The following CHCHD7 variants were observed in gnomAD, a reference collection of about 807,000 sequenced individuals.
The protein encoded by CHCHD7 is coiled-coil-helix-coiled-coil-helix domain containing 7, also known as coiled-coil-helix-coiled-coil-helix domain-containing protein 7.
A neutral mutation model predicts 10.5 loss-of-function variants in CHCHD7; 7 were observed. The ratio of observed to expected loss-of-function variants is 0.67; its 90% CI spans 0.38 to 1.25. The LOEUF (loss-of-function observed/expected upper bound fraction) is 1.25. Among genes scored for constraint, CHCHD7 ranks in the 50% most tolerant of loss-of-function variants. CHCHD7 has a pLI of 0.02. For missense variants in CHCHD7, 100 were observed against 104.5 expected, an observed-to-expected ratio of 0.96 and a Z score of 0.19; for synonymous variants, 40 against 36.0, an observed-to-expected ratio of 1.11 and a Z score of -0.40.
chr8:56,217,653 T>A lies in CHCHD7; in HGVS notation c.*218T>A. On this transcript the variant is annotated 3_prime_UTR_variant, in exon 4 of 4. Coordinates refer to ENST00000355315, the MANE Select transcript of CHCHD7 (RefSeq NM_001011671.3). ...TGTTGTGGCATGAGTTTGCATGACTTTCTGGAGGCATGGAGTTAGGTAAGG... is the reference window on the plus strand; with the variant it reads ...TGTTGTGGCATGAGTTTGCATGACTATCTGGAGGCATGGAGTTAGGTAAGG... The A allele has an allele frequency of 2.3e-6, 1 of 425,946 alleles. No homozygotes were observed. The highest frequency in any genetic ancestry group is 4.2e-6 in the Non-Finnish European group (1 of 235,532). The allele number at this position is 425,946 out of a possible 1,614,324, so 26.4% of individuals were successfully genotyped here.
intron 3 of CHCHD7, chr8:56,216,898 C>T (rs967422382): frequency 1.4e-5 from 7 of 514,016 alleles, no homozygotes; most frequent in Non-Finnish European, 2.1e-5. Flanking sequence ...CTTTTTCTCT[C>T]TCACTGCCAT....
intron 2 of CHCHD7, 175 bp from the exon 3 acceptor site, chr8:56,216,258 T>G (rs1228643549): frequency 2.2e-6 from 2 of 918,174 alleles, no homozygotes; most frequent in Admixed American, 5.7e-5. Context: ...CTGAGCAGAG[T>G]GCATACTGGG....
Position 56,218,674 on chromosome 8 carries a change from A to G in CHCHD7, c.*1239A>G, listed in dbSNP as rs1813498992. The G allele has an allele frequency of 5.0e-6, 1 of 200,836 alleles. No individual in the cohort carries two copies. The allele number at this position is 200,836 out of a possible 1,614,324, so 12.4% of individuals were successfully genotyped here. ...AATGATGGATTAAAATAGGACCAGA[A>G]AAGAATGAATGCCTACCTGTGTAAG... On this transcript the variant is annotated 3_prime_UTR_variant, in exon 4 of 4. Coordinates refer to ENST00000355315, the MANE Select transcript of CHCHD7 (RefSeq NM_001011671.3).
chr8:56,215,265 C>T (rs1813274249), intron 2 of CHCHD7: 1 of 152,288 alleles, frequency 6.6e-6, no homozygotes, highest in Admixed American at 6.5e-5. Flanking sequence ...CAAATATATA[C>T]ATTCATTAAA....
rs1304579664 is a variant in CHCHD7, at chr8:56,218,796, A to G, written c.*1361A>G. 1 of 184,682 alleles carries G rather than the reference A, an allele frequency of 5.4e-6. No homozygotes were observed. The highest frequency in any genetic ancestry group is 8.8e-5 in the East Asian group (1 of 11,396). The allele number at this position is 184,682 out of a possible 1,614,324, so 11.4% of individuals were successfully genotyped here. ...TACCAATATCAACATTCATCTTGTAACTAGTTGTCCTGATGCCACTCTTGT... is the reference window on the plus strand; with the variant it reads ...TACCAATATCAACATTCATCTTGTAGCTAGTTGTCCTGATGCCACTCTTGT... On this transcript the variant is annotated 3_prime_UTR_variant, in exon 4 of 4. Coordinates refer to ENST00000355315, the MANE Select transcript of CHCHD7 (RefSeq NM_001011671.3).
chr8:56,216,320 CAAAT>C, intron 2 of CHCHD7, 109 bp from the exon 3 acceptor site: 1 of 1,491,666 alleles, frequency 6.7e-7, no homozygotes, highest in South Asian at 1.3e-5. Context: ...AAAATGAACA[CAAAT>C]GAACTATTTC....
chr8:56,212,695 G>T, intron 1 of CHCHD7: 1 of 604,956 alleles, frequency 1.7e-6, no homozygotes. Context: ...CCCCTTTAGC[G>T]GAGCACTCGA....
At chr8:56,213,681 G>A (rs1257676364) in intron 1 of CHCHD7, 1 of 152,236 alleles carries the variant, frequency 6.6e-6, no homozygotes, top group Non-Finnish European at 1.5e-5. Flanking sequence ...TCTAGGAATT[G>A]AATTGGAAGA....
rs6992431 is a variant in CHCHD7 at position 56,212,515 on chromosome 8, T to A, written c.-17+678T>A. On this transcript the variant is annotated intron_variant, in intron 1 of 3. Coordinates refer to ENST00000355315, the MANE Select transcript of CHCHD7 (RefSeq NM_001011671.3). Reference sequence around the variant, plus strand: ...ACTGGATGGGAAATCAGGAACTGCTTTATTAAGCAGTTTGCCCTTTGGAGT... The same window carrying A: ...ACTGGATGGGAAATCAGGAACTGCTATATTAAGCAGTTTGCCCTTTGGAGT... 338 of 218,390 alleles carry A rather than the reference T, an allele frequency of 1.5e-3. 1 individual carries two copies. The highest frequency in any genetic ancestry group is 5.9e-3 in the African/African-American group (261 of 44,028). 13.5% of individuals were successfully genotyped at this position (218,390 alleles called of 1,614,324 possible).
intron 1 of CHCHD7, chr8:56,214,163 C>T (rs1813200429): frequency 6.5e-6 from 1 of 153,128 alleles, no homozygotes; most frequent in African/African-American, 2.4e-5. Flanking sequence ...GCAGCCTTGA[C>T]TTCCTGGGCT....
At chr8:56,216,350 G>A in intron 2 of CHCHD7, 83 bp from the exon 3 acceptor site, 1 of 1,576,484 alleles carries the variant, frequency 6.3e-7, no homozygotes, top group Non-Finnish European at 8.6e-7. Flanking sequence ...ATTTGCTTCT[G>A]GGGAAGCAGC....
At position 56,217,417 on chromosome 8, in the gene CHCHD7, G is replaced by A. The variant is rs747307403; in HGVS notation, c.240G>A (p.Val80=). The A allele has an allele frequency of 5.6e-6, 9 of 1,593,644 alleles. No individual in the cohort carries two copies. Among genetic ancestry groups the A allele is most frequent in the Non-Finnish European group, 7.7e-6 (9 of 1,161,404 alleles). The part of the protein sequence containing the change: ...AAERDEILRA[V]GNMPY ...AAAGAGATGAAATCTTGAGAGCAGT[G>A]GGAAATATGCCCTATTGAATGTTTG... Residue 80 remains valine, a synonymous_variant, in exon 4 of 4, where the codon GTG becomes GTA. Coordinates refer to ENST00000355315, the MANE Select transcript of CHCHD7 (RefSeq NM_001011671.3).
At chr8:56,216,662 C>T (rs1335571481) in intron 3 of CHCHD7, 131 bp downstream of exon 3, 2 of 923,190 alleles carry the variant, frequency 2.2e-6, no homozygotes, top group Admixed American at 2.0e-5. Flanking sequence ...CAACTTTATC[C>T]TCTGTGTGCT....
At position 56,217,536 on chromosome 8, in the gene CHCHD7, A is replaced by T; in HGVS notation, c.*101A>T. 1.4e-6 allele frequency: 1 copy of T among 704,272 alleles called. No individual in the cohort carries two copies. The highest frequency in any genetic ancestry group is 2.4e-6 in the Non-Finnish European group (1 of 424,580). The allele number at this position is 704,272 out of a possible 1,614,324, so 43.6% of individuals were successfully genotyped here. On this transcript the variant is annotated 3_prime_UTR_variant, in exon 4 of 4. Transcript: ENST00000355315. ...GACTGTACACCCCTCACCCAGACAGACCTTAAGTTCTTCAAGTGGAGACAG... is the reference window on the plus strand; with the variant it reads ...GACTGTACACCCCTCACCCAGACAGTCCTTAAGTTCTTCAAGTGGAGACAG...
rs777847792 is a variant in CHCHD7 at position 56,214,549 on chromosome 8, T to A, written c.-16-49T>A. The A allele has an allele frequency of 7.7e-6, 11 of 1,423,176 alleles. No homozygotes were observed. The South Asian group carries it at 1.3e-4, about 17-fold the overall frequency. The allele number at this position is 1,423,176 out of a possible 1,614,324, so 88.2% of individuals were successfully genotyped here. ...TTAGTGCTATTGAGATGTATTGATTTATTTTCTGTCAACTACTGTATAATT... is the reference window on the plus strand; with the variant it reads ...TTAGTGCTATTGAGATGTATTGATTAATTTTCTGTCAACTACTGTATAATT... On this transcript the variant is annotated intron_variant, in intron 1 of 3. Coordinates refer to ENST00000355315, the MANE Select transcript of CHCHD7 (RefSeq NM_001011671.3).
intron 2 of CHCHD7, 25 bp downstream of exon 2, chr8:56,214,692 A>G (rs368038432): frequency 5.0e-6 from 8 of 1,594,954 alleles, no homozygotes; most frequent in African/African-American, 1.3e-5. Context: ...TTTAATTTTC[A>G]TGAGTGTTAA....
chr8:56,216,423 T>C lies in CHCHD7; in HGVS notation c.55-10T>C, dbSNP rs201403200. On this transcript the variant is annotated splice_polypyrimidine_tract_variant and intron_variant, in intron 2 of 3. Coordinates refer to ENST00000355315, the MANE Select transcript of CHCHD7 (RefSeq NM_001011671.3). ...TACCTTTTAAATGATGCCTCTCTTA[T>C]ATCTGTAAGGAATCTGATGCTTCCA... The C allele has an allele frequency of 1.5e-4, 249 of 1,614,158 alleles. No individual in the cohort carries two copies. Among genetic ancestry groups the C allele is most frequent in the Non-Finnish European group, 2.0e-4 (240 of 1,179,972 alleles).
intron 1 of CHCHD7, 23 bp from the exon 2 acceptor site, chr8:56,214,575 A>AT (rs753178213): frequency 4.0e-5 from 63 of 1,571,778 alleles, no homozygotes; most frequent in African/African-American, 1.4e-4. Context: ...CTGTATAATT[A>AT]TTTTTTTTCT....
intron 1 of CHCHD7, chr8:56,212,886 C>A: frequency 1.9e-6 from 3 of 1,606,744 alleles, no homozygotes; most frequent in Admixed American, 3.3e-5. Context: ...CAAACTCGAA[C>A]TGGGTATATG....
Sources: gnomAD v4.1 joint callset for allele counts on GRCh38, gnomAD v4.1.1 for gene constraint, MANE v1.5 for transcripts, NCBI Gene and HGNC (gene_info 2026-07-23, HGNC 2026-07-21) for gene names.